The following CSMD3 variants were observed in gnomAD, a reference collection of about 807,000 sequenced individuals.
CSMD3 encodes CUB and Sushi multiple domains 3.
Under a neutral mutation model 435.2 loss-of-function variants are expected in CSMD3, and 177 were observed. The ratio of observed to expected loss-of-function variants is 0.41; its 90% confidence interval spans 0.36 to 0.46. The LOEUF (loss-of-function observed/expected upper bound fraction) is 0.46. Ranked by LOEUF, CSMD3 falls within the 20% of genes least tolerant of loss-of-function variation. The probability of loss-of-function intolerance (pLI) is 0.34; values close to 1 mark genes in which losing one functional copy is unlikely to be tolerated. For synonymous variants in CSMD3, 1,656 were observed against 1,520.5 expected (o/e 1.09, Z -2.07); for missense variants, 4,265 against 4,504.6 (o/e 0.95, Z 1.52).
At chr8:112,400,161 G>A (rs145337839) in intron 35 of CSMD3, among the ~76,000 whole-genome samples, 1,550 of 152,252 alleles carry the variant, frequency 0.01, 32 homozygotes, top group African/African-American at 0.035. Flanking sequence ...CAATAGAAAT[G>A]TATTTCTTAT....
intron 5 of CSMD3, among the ~76,000 whole-genome samples, chr8:113,089,075 T>A (rs917051457): frequency 1.3e-5 from 2 of 152,130 alleles, no homozygotes; most frequent in African/African-American, 4.8e-5. Context: ...TCTTGCTATG[T>A]AGCCCAGGCT....
At position 112,685,558 on chromosome 8, in the gene CSMD3, A is replaced by G. The variant is rs112713199; in HGVS notation, c.2330T>C (p.Val777Ala). The G allele has an allele frequency of 6.2e-7, 1 of 1,614,064 alleles. No homozygotes were observed. Among genetic ancestry groups the G allele is most frequent in the Admixed American group, 1.7e-5 (1 of 59,988 alleles). The change falls in exon 15 of 71, where the codon GTT becomes GCT. Residue 777 changes from valine (V) to alanine (A), a missense_variant. This residue lies in a region of CSMD3 where 279 missense variants were observed against 369.0 expected (regional missense o/e 0.76). Transcript: ENST00000297405. ...DLESQFDFLA[V>A]KDGDSPESPI... ...GGATTCTGGAGAGTCACCATCTTTA[A>G]CAGCAAGGAAATCAAACTGGGATTC...
In CSMD3 at chr8:112,573,777, C is replaced by T. The variant is rs1251767538; in HGVS notation, c.3886-120G>A. On this transcript the variant is annotated intron_variant, in intron 23 of 70. Coordinates refer to ENST00000297405, the MANE Select transcript of CSMD3 (RefSeq NM_198123.2). ...TTTCTAAATCAGATCAGTACATTTC[C>T]AAAGGGCAACTAAATATATTGGTTT... 10 of 736,750 alleles carry T rather than the reference C, an allele frequency of 1.4e-5. No homozygotes were observed. In the East Asian group the frequency reaches 2.7e-4, roughly 20 times the overall value. The allele number at this position is 736,750 out of a possible 1,614,324, so 45.6% of individuals were successfully genotyped here.
rs1437261459 is a variant in CSMD3 at position 112,636,894 on chromosome 8, C to T, written c.3638G>A (p.Arg1213Gln). 5.6e-6 allele frequency: 9 copies of T among 1,613,254 alleles called. No homozygotes were observed. Among genetic ancestry groups the T allele is most frequent in the South Asian group, 2.2e-5 (2 of 91,024 alleles). Residue 1213 changes from arginine to glutamine, a missense_variant, in exon 22 of 71, where the codon CGA (arginine) becomes CAA (glutamine). Physicochemically the swap from Arg to Gln is conservative, Grantham distance 43. Around this residue, in one of 3 missense-constraint regions of CSMD3, gnomAD observed 3,255 missense variants for 3,380.2 expected, o/e 0.96. Transcript: ENST00000297405. ...TLTFSCSSGYRLEGTSEIICL... is the reference protein window; with the variant it reads ...TLTFSCSSGYQLEGTSEIICL... ...GATGATCTCTGATGTTCCTTCCAGTCGATAACCCGAAGAGCATGAGAAGGT... is the reference window on the plus strand; with the variant it reads ...GATGATCTCTGATGTTCCTTCCAGTTGATAACCCGAAGAGCATGAGAAGGT...
intron 58 of CSMD3, 28 bp from the exon 59 acceptor site, chr8:112,281,378 T>C (rs1363694003): frequency 6.3e-7 from 1 of 1,586,944 alleles, no homozygotes; most frequent in East Asian, 2.2e-5. Context: ...TAAGAGTATA[T>C]ATAAAAAATG....
chr8:113,312,786 A>G (rs1005616356), intron 2 of CSMD3: 4 of 152,212 alleles, frequency 2.6e-5, no homozygotes, highest in African/African-American at 9.6e-5. Context: ...GACAGTGGCA[A>G]TGATGATCAA....
chr8:113,017,739 C>A (rs905867070), intron 6 of CSMD3, among the ~76,000 whole-genome samples: 2 of 151,954 alleles, frequency 1.3e-5, no homozygotes, highest in East Asian at 1.9e-4. Context: ...CTCTAAAGTA[C>A]ACAAACTTTT....
intron 36 of CSMD3, among the ~76,000 whole-genome samples, chr8:112,388,858 T>C (rs932106031): frequency 3.3e-5 from 5 of 152,016 alleles, no homozygotes; most frequent in Non-Finnish European, 5.9e-5. Context: ...TAAAGTGAAA[T>C]GAACAAAGGC....
intron 3 of CSMD3, among the ~76,000 whole-genome samples, chr8:113,175,449 C>T (rs1015556066): frequency 2.0e-5 from 3 of 151,776 alleles, no homozygotes; most frequent in Non-Finnish European, 4.4e-5. Context: ...CTTAATAATA[C>T]ATTCTAAACT....
intron 2 of CSMD3, among the ~76,000 whole-genome samples, chr8:113,291,659 G>A (rs1431143826): frequency 1.3e-5 from 2 of 151,912 alleles, no homozygotes; most frequent in East Asian, 3.9e-4. Flanking sequence ...CAAGATGTTT[G>A]TTCCCCTACG....
At chr8:112,952,578 G>C (rs1356115430) in intron 8 of CSMD3, among the ~76,000 whole-genome samples, 1 of 151,374 alleles carries the variant, frequency 6.6e-6, no homozygotes, top group Non-Finnish European at 1.5e-5. Flanking sequence ...ATATGTTTTT[G>C]AAATGAGTTA....
At chr8:113,378,585 G>A (rs1006622747) in intron 1 of CSMD3, among the ~76,000 whole-genome samples, 3 of 152,160 alleles carry the variant, frequency 2.0e-5, no homozygotes, top group African/African-American at 2.4e-5. Context: ...AGAGAAGAAG[G>A]CAGCCATGCA....
At chr8:112,397,487 A>G (rs951832713) in intron 35 of CSMD3, among the ~76,000 whole-genome samples, 1 of 152,198 alleles carries the variant, frequency 6.6e-6, no homozygotes, top group African/African-American at 2.4e-5. Flanking sequence ...TATTCAGGCC[A>G]TAGCAAAATA....
intron 45 of CSMD3, among the ~76,000 whole-genome samples, chr8:112,320,766 A>C (rs1324718283): frequency 6.6e-6 from 1 of 151,928 alleles, no homozygotes; most frequent in African/African-American, 2.4e-5. Context: ...AAAACTGTTA[A>C]AGAGAGTTAA....
At chr8:112,318,586 GAAGT>G (rs1212418243) in intron 47 of CSMD3, among the ~76,000 whole-genome samples, 2 of 151,864 alleles carry the variant, frequency 1.3e-5, no homozygotes, top group Non-Finnish European at 2.9e-5. Flanking sequence ...CAAAATAATT[GAAGT>G]AAGTTGAACG....
chr8:112,643,108 G>T (rs951312386), intron 20 of CSMD3, among the ~76,000 whole-genome samples: 1 of 152,138 alleles, frequency 6.6e-6, no homozygotes, highest in African/African-American at 2.4e-5. Flanking sequence ...AAACATGGTA[G>T]TCTCAGAATG....
At chr8:113,259,801 A>G (rs2132347822) in intron 3 of CSMD3, among the ~76,000 whole-genome samples, 2 of 152,274 alleles carry the variant, frequency 1.3e-5, no homozygotes, top group Admixed American at 1.3e-4. Context: ...ACTAAGTGGC[A>G]GTAATTATAC....
At chr8:113,363,108 CTTCA>C (rs2094288109) in intron 1 of CSMD3, among the ~76,000 whole-genome samples, 1 of 152,152 alleles carries the variant, frequency 6.6e-6, no homozygotes, top group Admixed American at 6.6e-5. Flanking sequence ...GACTTCAGAA[CTTCA>C]TTAAGTTACA....
intron 40 of CSMD3, among the ~76,000 whole-genome samples, chr8:112,349,623 T>C (rs1185408260): frequency 6.6e-6 from 1 of 152,096 alleles, no homozygotes. Context: ...CAATCACCAT[T>C]ATCTGCACAT....
Sources: allele counts gnomAD v4.1 joint callset (sites outside exome capture counted in the v4.1 genomes callset), GRCh38; gene constraint gnomAD v4.1.1; regional missense constraint gnomAD v4.1.1; transcripts MANE v1.5; gene names NCBI Gene and HGNC (gene_info 2026-07-23, HGNC 2026-07-21).